The following GATB variants were observed in gnomAD, a reference collection of about 807,000 sequenced individuals.
GATB encodes the protein glutamyl-tRNA(Gln) amidotransferase subunit B, mitochondrial.
A neutral mutation model predicts 62.3 loss-of-function variants in GATB; 39 were observed. That is an observed-to-expected ratio of 0.63 (90% CI 0.48 to 0.82). The LOEUF is 0.82. Among genes scored for constraint, GATB ranks in the 40% least tolerant of loss-of-function variants. The probability of loss-of-function intolerance (pLI) is 0.00; values close to 1 mark genes in which losing one functional copy is unlikely to be tolerated. For synonymous variants in GATB, 276 were observed against 258.9 expected, an observed-to-expected ratio of 1.07 and a Z score of -0.63; for missense variants, 670 against 684.0, an observed-to-expected ratio of 0.98 and a Z score of 0.23.
chr4:151,671,779 C>T (rs1005761830), intron 12 of GATB, among the ~76,000 whole-genome samples: 17 of 152,244 alleles, frequency 1.1e-4, no homozygotes, highest in Middle Eastern at 3.4e-3. Context: ...ACACACTGGC[C>T]GAGTCTTCCA....
At chr4:151,745,912 T>A (rs943406596) in intron 2 of GATB, among the ~76,000 whole-genome samples, 2 of 152,240 alleles carry the variant, frequency 1.3e-5, no homozygotes, top group Non-Finnish European at 2.9e-5. Flanking sequence ...AAACAGCTTT[T>A]ATGGTCTTTT....
At chr4:151,741,506 T>C (rs185633759) in intron 2 of GATB, among the ~76,000 whole-genome samples, 5 of 152,338 alleles carry the variant, frequency 3.3e-5, no homozygotes, top group Admixed American at 6.5e-5. Flanking sequence ...GAGAAAAGGC[T>C]TTCCCAAACA....
chr4:151,735,537 T>A (rs1333586061), intron 2 of GATB, among the ~76,000 whole-genome samples: 1 of 151,630 alleles, frequency 6.6e-6, no homozygotes, highest in Non-Finnish European at 1.5e-5. Flanking sequence ...GTATGGAGAT[T>A]CCTTAAAGAA....
At chr4:151,673,149 C>T (rs1467141595) in intron 11 of GATB, 1 of 419,726 alleles carries the variant, frequency 2.4e-6, no homozygotes, top group Non-Finnish European at 4.3e-6. Context: ...GGGGTCTCCT[C>T]CTGAGGCTGA....
chr4:151,721,842 T>C (rs1344482979), intron 2 of GATB: 6 of 238,000 alleles, frequency 2.5e-5, no homozygotes, highest in Admixed American at 1.1e-4. Flanking sequence ...GGGAGAAGAG[T>C]TGAGGACCAT....
At chr4:151,705,688 T>C (rs1738701579) in intron 6 of GATB, among the ~76,000 whole-genome samples, 1 of 152,178 alleles carries the variant, frequency 6.6e-6, no homozygotes, top group African/African-American at 2.4e-5. Flanking sequence ...TATGTGCAGG[T>C]TTTGGAGAGA....
intron 5 of GATB, among the ~76,000 whole-genome samples, chr4:151,708,782 A>G (rs1738764499): frequency 6.6e-6 from 1 of 152,198 alleles, no homozygotes; most frequent in Admixed American, 6.5e-5. Context: ...GGACTCAGAG[A>G]GGTGCTGACC....
intron 7 of GATB, 54 bp downstream of exon 7, chr4:151,705,131 G>A: frequency 8.0e-7 from 1 of 1,256,832 alleles, no homozygotes; most frequent in Non-Finnish European, 1.2e-6. Context: ...GCTGAGCCCA[G>A]CCCTCTCGCA....
chr4:151,702,406 G>C (rs948437891), intron 8 of GATB, among the ~76,000 whole-genome samples: 1 of 152,216 alleles, frequency 6.6e-6, no homozygotes, highest in Non-Finnish European at 1.5e-5. Flanking sequence ...GAACTTCTCA[G>C]TGTGACACGA....
intron 5 of GATB, among the ~76,000 whole-genome samples, chr4:151,709,688 T>C (rs1039267533): frequency 2.0e-5 from 3 of 152,194 alleles, no homozygotes; most frequent in Non-Finnish European, 4.4e-5. Flanking sequence ...CTCCGAACTT[T>C]AGGCTTAGGT....
intron 9 of GATB, among the ~76,000 whole-genome samples, chr4:151,697,664 TA>T (rs1738496550): frequency 6.7e-6 from 1 of 148,772 alleles, no homozygotes; most frequent in African/African-American, 2.4e-5. Context: ...TTTTATAATA[TA>T]TATAAATTTA....
chr4:151,687,977 T>C (rs893932493), intron 10 of GATB, among the ~76,000 whole-genome samples: 6 of 152,194 alleles, frequency 3.9e-5, no homozygotes, highest in African/African-American at 1.4e-4. Context: ...GCTTGTAGTC[T>C]ATGGCTGTCA....
At chr4:151,747,062 G>T (rs1739615669) in intron 2 of GATB, among the ~76,000 whole-genome samples, 2 of 152,116 alleles carry the variant, frequency 1.3e-5, no homozygotes, top group Non-Finnish European at 2.9e-5. Context: ...CGGCAGGTAG[G>T]GTTGTTATGA....
At position 151,679,803 on chromosome 4, in the gene GATB, G is replaced by A. The variant is rs781355798; in HGVS notation, c.1410+10C>T. On this transcript the variant is annotated intron_variant, in intron 11 of 12. Transcript: ENST00000263985. ...AGCACAGTCAGAAGCTGTCGGGAGT[G>A]TGGACATACCTGTTTAGCTGCTGAT... The A allele has an allele frequency of 3.7e-6, 6 of 1,611,112 alleles. No homozygotes were observed. In the African/African-American group the frequency reaches 8.0e-5, roughly 22 times the overall value.
chr4:151,706,356 T>C (rs1330589466), intron 6 of GATB, among the ~76,000 whole-genome samples: 4 of 145,410 alleles, frequency 2.8e-5, no homozygotes, highest in African/African-American at 7.3e-5. Context: ...TGGATGACTC[T>C]ACCTAAAATT....
chr4:151,707,968 GAGC>G lies in GATB; in HGVS notation c.877+17_877+19del. On this transcript the variant is annotated intron_variant, in intron 6 of 12. Coordinates refer to ENST00000263985, the MANE Select transcript of GATB (RefSeq NM_004564.3). ...GAAACAATAGGAAGAAGGACACTAGGAGCGGCAGCTGGCATTCACCTATGGCTT... is the reference window on the plus strand; with the variant it reads ...GAAACAATAGGAAGAAGGACACTAGGGGCAGCTGGCATTCACCTATGGCTT... 1 of 1,462,758 alleles carries G rather than the reference GAGC, an allele frequency of 6.8e-7. No individual in the cohort carries two copies. The highest frequency in any genetic ancestry group is 9.6e-7 in the Non-Finnish European group (1 of 1,042,234). The allele number at this position is 1,462,758 out of a possible 1,614,324, so 90.6% of individuals were successfully genotyped here. A position where few individuals can be genotyped will look rare whatever the true frequency, so the allele number is the denominator to read the frequency against.
At chr4:151,679,976 C>G in intron 10 of GATB, 85 bp from the exon 11 acceptor site, 3 of 1,221,346 alleles carry the variant, frequency 2.5e-6, no homozygotes, top group Non-Finnish European at 3.6e-6. Flanking sequence ...AGAACACTTG[C>G]TCTAGTGGGG....
intron 9 of GATB, among the ~76,000 whole-genome samples, chr4:151,699,648 G>T (rs1011382567): frequency 1.3e-5 from 2 of 152,130 alleles, no homozygotes; most frequent in African/African-American, 4.8e-5. Flanking sequence ...CTCATGAACG[G>T]CCGAGAGTGA....
At chr4:151,753,093 G>T (rs939375426) in intron 2 of GATB, among the ~76,000 whole-genome samples, 3 of 152,178 alleles carry the variant, frequency 2.0e-5, no homozygotes, top group East Asian at 3.8e-4. Flanking sequence ...CCGCACTGGG[G>T]CAGGGAAAAG....
Sources: gnomAD v4.1 joint callset for allele counts (sites outside exome capture counted in the v4.1 genomes callset) on GRCh38, gnomAD v4.1.1 for gene constraint, MANE v1.5 for transcripts, NCBI Gene and HGNC (gene_info 2026-07-23, HGNC 2026-07-21) for gene names.